DEFB104B: variants seen among roughly 807,000 people sequenced by gnomAD.
DEFB104B encodes beta-defensin 104.
intron 1 of DEFB104B, among the ~76,000 whole-genome samples, chr8:7,472,861 G>C (rs2740694): frequency 7.8e-6 from 1 of 128,686 alleles, no homozygotes; most frequent in South Asian, 2.7e-4. Context: ...TTGTTTGTTT[G>C]TTTGGTTTTT....
At chr8:7,474,193 G>C (rs1368492658) in intron 1 of DEFB104B, among the ~76,000 whole-genome samples, 1 of 143,582 alleles carries the variant, frequency 7.0e-6, no homozygotes, top group East Asian at 2.0e-4. Flanking sequence ...GCTTGGAAGA[G>C]AAGATCCGAT....
chr8:7,472,244 G>C (rs1261667777), intron 1 of DEFB104B, among the ~76,000 whole-genome samples: 2 of 140,162 alleles, frequency 1.4e-5, no homozygotes, highest in Non-Finnish European at 3.0e-5. Context: ...CCTGGAGTTA[G>C]AGGAGGAAAA....
At chr8:7,474,206 C>T (rs1349876988) in intron 1 of DEFB104B, among the ~76,000 whole-genome samples, 1 of 144,156 alleles carries the variant, frequency 6.9e-6, no homozygotes, top group East Asian at 2.0e-4. Flanking sequence ...GATCCGATGG[C>T]TTCTACGAGT....
chr8:7,472,268 C>A (rs985739991), intron 1 of DEFB104B, among the ~76,000 whole-genome samples: 6 of 138,182 alleles, frequency 4.3e-5, no homozygotes, highest in African/African-American at 1.8e-4. Context: ...GGACAGCATG[C>A]TTGCTCAGGG....
chr8:7,473,214 GC>G (rs1271419422), intron 1 of DEFB104B, among the ~76,000 whole-genome samples: 7 of 49,476 alleles, frequency 1.4e-4, no homozygotes, highest in African/African-American at 2.7e-4. Context: ...GTGGCGGGGG[GC>G]CTGTGGGGGT....
chr8:7,473,176 C>A (rs1585521734), intron 1 of DEFB104B, among the ~76,000 whole-genome samples: 4 of 73,212 alleles, frequency 5.5e-5, no homozygotes, highest in African/African-American at 1.1e-4. Context: ...TGGTTTGGTC[C>A]AGAAAGGTGG....
At chr8:7,474,162 C>T (rs1037049916) in intron 1 of DEFB104B, among the ~76,000 whole-genome samples, 4 of 142,014 alleles carry the variant, frequency 2.8e-5, no homozygotes, top group Non-Finnish European at 4.7e-5. Flanking sequence ...TCTGTCAAAG[C>T]CCCATAAAAT....
chr8:7,472,023 G>A (rs1441528684), intron 1 of DEFB104B, among the ~76,000 whole-genome samples: 2 of 151,582 alleles, frequency 1.3e-5, no homozygotes, highest in Non-Finnish European at 1.5e-5. Flanking sequence ...GGATATTGAA[G>A]GGGTTAATAT....
chr8:7,472,745 A>C (rs1241398505), intron 1 of DEFB104B, among the ~76,000 whole-genome samples: 2 of 134,180 alleles, frequency 1.5e-5, no homozygotes, highest in Non-Finnish European at 3.1e-5. Context: ...TCCTGAGGAC[A>C]TGTGCCCAAG....
rs1463398008 is a variant in DEFB104B, at chr8:7,474,670, C to T, written c.58+341G>A. On this transcript the variant is annotated intron_variant, in intron 1 of 1. Coordinates refer to ENST00000316169, the MANE Select transcript of DEFB104B (RefSeq NM_001040702.1). Reference sequence around the variant, plus strand: ...AATCAACAATGAATAATTGCTGCTGCCCTGCAATGGAACAAGCATGGCTAG... The same window carrying T: ...AATCAACAATGAATAATTGCTGCTGTCCTGCAATGGAACAAGCATGGCTAG... Among the ~76,000 whole-genome samples, 4 of 141,102 alleles carry T rather than the reference C, an allele frequency of 2.8e-5. 1 individual carries two copies. Among genetic ancestry groups the T allele is most frequent in the Non-Finnish European group, 4.8e-5 (3 of 62,912 alleles). The allele number at this position is 141,102 out of a possible 152,430, so 92.6% of individuals were successfully genotyped here. A position where few individuals can be genotyped will look rare whatever the true frequency, so the allele number is the denominator to read the frequency against.
At chr8:7,471,212 A>T (rs1810931760) in intron 1 of DEFB104B, among the ~76,000 whole-genome samples, 1 of 137,882 alleles carries the variant, frequency 7.3e-6, no homozygotes, top group African/African-American at 2.7e-5. Flanking sequence ...ATACAAACAT[A>T]GACATAGATA....
At chr8:7,471,301 T>C (rs1476422790) in intron 1 of DEFB104B, among the ~76,000 whole-genome samples, 3 of 123,286 alleles carry the variant, frequency 2.4e-5, no homozygotes, top group Admixed American at 8.7e-5. Flanking sequence ...ATGAGGCCCA[T>C]GTTTATGTTG....
intron 1 of DEFB104B, among the ~76,000 whole-genome samples, chr8:7,471,181 C>CAT (rs1301386641): frequency 1.4e-5 from 2 of 145,824 alleles, no homozygotes; most frequent in African/African-American, 5.2e-5. Flanking sequence ...TATATATATA[C>CAT]ACATATATAG....
chr8:7,474,399 C>T (rs1472086994), intron 1 of DEFB104B, among the ~76,000 whole-genome samples: 14 of 143,344 alleles, frequency 9.8e-5, no homozygotes, highest in African/African-American at 1.5e-4. Flanking sequence ...CATAGATTAA[C>T]GTAGGAGTCA....
chr8:7,472,241 T>G (rs1585520840), intron 1 of DEFB104B, among the ~76,000 whole-genome samples: 4 of 139,058 alleles, frequency 2.9e-5, no homozygotes, highest in Admixed American at 7.2e-5. Context: ...CAACCTGGAG[T>G]TAGAGGAGGA....
rs1163891758 is a variant in DEFB104B, at chr8:7,472,734, G to A, written c.59-2218C>T. On this transcript the variant is annotated intron_variant, in intron 1 of 1. Coordinates refer to ENST00000316169, the MANE Select transcript of DEFB104B (RefSeq NM_001040702.1). ...CACACCTGTGACACAACCTCAGGAG[G>A]TCCTGAGGACATGTGCCCAAGGTGG... is the stretch of plus-strand genomic sequence containing the variant. Among the ~76,000 whole-genome samples, 4 of 133,358 alleles carry A rather than the reference G, an allele frequency of 3.0e-5. 1 individual carries two copies. Among genetic ancestry groups the A allele is most frequent in the Non-Finnish European group, 6.3e-5 (4 of 63,782 alleles). 87.5% of individuals were successfully genotyped at this position (133,358 alleles called of 152,430 possible). A position where few individuals can be genotyped will look rare whatever the true frequency, so the allele number is the denominator to read the frequency against.
chr8:7,471,143 G>A (rs576015436), intron 1 of DEFB104B, among the ~76,000 whole-genome samples: 13 of 151,756 alleles, frequency 8.6e-5, no homozygotes, highest in Admixed American at 8.5e-4. Context: ...GCAAGTTGTA[G>A]TTATATATCT....
chr8:7,473,208 C>CG (rs1445469633), intron 1 of DEFB104B, among the ~76,000 whole-genome samples: 1 of 18,588 alleles, frequency 5.4e-5, no homozygotes, highest in African/African-American at 7.3e-5. Flanking sequence ...GTGGGGGTGG[C>CG]GGGGGGCCTG....
chr8:7,474,850 T>C (rs2128878523), intron 1 of DEFB104B, among the ~76,000 whole-genome samples, 161 bp downstream of exon 1: 1 of 124,240 alleles, frequency 8.0e-6, no homozygotes, highest in East Asian at 2.2e-4. Flanking sequence ...TGCCACATAC[T>C]GCATTTTACT....
Sources: allele counts gnomAD v4.1 joint callset (sites outside exome capture counted in the v4.1 genomes callset), GRCh38; gene constraint gnomAD v4.1.1; transcripts MANE v1.5; gene names NCBI Gene and HGNC (gene_info 2026-07-23, HGNC 2026-07-21).